DRC3: variants seen among roughly 807,000 people sequenced by gnomAD.
The protein encoded by DRC3 is dynein regulatory complex subunit 3, also known as leucine rich repeat containing 48.
In DRC3, 45 loss-of-function variants were observed where a neutral mutation model predicts 57.6. The ratio of observed to expected loss-of-function variants is 0.78; its 90% CI spans 0.62 to 1.00. DRC3 has a LOEUF of 1.00. Ranked by LOEUF, DRC3 falls within the 50% of genes least tolerant of loss-of-function variation. DRC3 has a pLI of 0.00. For synonymous variants in DRC3, 257 were observed against 272.3 expected (o/e 0.94, Z 0.55); for missense variants, 655 against 675.2 (o/e 0.97, Z 0.33).
At chr17:18,013,892 C>A (rs541673651) in intron 12 of DRC3, among the ~76,000 whole-genome samples, 4 of 151,774 alleles carry the variant, frequency 2.6e-5, no homozygotes, top group Non-Finnish European at 4.4e-5. Context: ...CTATGTACCC[C>A]ATCAATATGT....
chr17:17,983,850 C>G lies in DRC3; in HGVS notation c.183C>G (p.Leu61=). 6.2e-7 allele frequency: 1 copy of G among 1,613,378 alleles called. No individual in the cohort carries two copies. Among genetic ancestry groups the G allele is most frequent in the Non-Finnish European group, 8.5e-7 (1 of 1,179,434 alleles). Residue 61 remains leucine, a synonymous_variant, in exon 4 of 14, where the codon CTC becomes CTG. Coordinates refer to ENST00000399187, the MANE Select transcript of DRC3 (RefSeq NM_031294.4). ...CAGACATCCTCCGCATAGACAACCTCTGGCAGTTTGAGAACTTGAGGAAGC... is the reference window on the plus strand; with the variant it reads ...CAGACATCCTCCGCATAGACAACCTGTGGCAGTTTGAGAACTTGAGGAAGC... ...DFRNILRIDN[L]WQFENLRKLQ...
rs1351809472 is a variant in DRC3, at chr17:18,008,722, C to T, written c.1326+1575C>T. The stretch of plus-strand genomic sequence containing the variant: ...ATAACTGCAGCTAATTGCTATTGAC[C>T]AGACACAGGAAAACACCACCTTCCC... On this transcript the variant is annotated intron_variant, in intron 12 of 13. Transcript: ENST00000399187. This position sits in a 1 kb window ranked among gnomAD's most constrained non-coding sequence, Gnocchi z 4.3. 6.6e-6 allele frequency among the ~76,000 whole-genome samples: 1 copy of T among 152,152 alleles called. No homozygotes were observed. Among genetic ancestry groups the T allele is most frequent in the Admixed American group, 6.5e-5 (1 of 15,272 alleles).
intron 10 of DRC3, chr17:18,005,885 G>T (rs2043930714): frequency 2.6e-6 from 1 of 390,900 alleles, no homozygotes; most frequent in African/African-American, 2.0e-5. Context: ...TTGGCTGTGT[G>T]TGTGTGTGTT....
In DRC3 at chr17:18,008,825, C is replaced by A. The variant is rs1568540727; in HGVS notation, c.1326+1678C>A. ...ATCTTGGGGTGGGTGGAGATCCCTCCCAGCACAGCTCCCATGTCTGTGACA... is the reference window on the plus strand; with the variant it reads ...ATCTTGGGGTGGGTGGAGATCCCTCACAGCACAGCTCCCATGTCTGTGACA... On this transcript the variant is annotated intron_variant, in intron 12 of 13. Coordinates refer to ENST00000399187, the MANE Select transcript of DRC3 (RefSeq NM_031294.4). The surrounding 1 kb of genome is among the most constrained non-coding windows in gnomAD (Gnocchi z 4.3). Among the ~76,000 whole-genome samples the A allele has an allele frequency of 6.6e-6, 1 of 152,166 alleles. No homozygotes were observed. The highest frequency in any genetic ancestry group is 1.5e-5 in the Non-Finnish European group (1 of 68,006).
intron 11 of DRC3, chr17:18,006,636 C>G (rs2043961536): frequency 5.4e-6 from 2 of 367,294 alleles, no homozygotes; most frequent in South Asian, 6.0e-5. Context: ...TCAGGGCACT[C>G]CACATGGGGC....
intron 12 of DRC3, chr17:18,011,228 A>G (rs1423097058): frequency 2.4e-5 from 6 of 254,170 alleles, no homozygotes; most frequent in Non-Finnish European, 3.8e-5. Context: ...AAGTGCTGGG[A>G]TTACAGGCGT....
chr17:17,991,119 G>A (rs1039444993), intron 5 of DRC3, among the ~76,000 whole-genome samples: 25 of 152,148 alleles, frequency 1.6e-4, no homozygotes, highest in African/African-American at 5.3e-4. Flanking sequence ...GCACATGCCG[G>A]AGGCCTGCTA....
intron 3 of DRC3, among the ~76,000 whole-genome samples, chr17:17,981,745 T>C (rs527514388): frequency 6.6e-6 from 1 of 152,322 alleles, no homozygotes; most frequent in African/African-American, 2.4e-5. Flanking sequence ...TCACCCAGGC[T>C]GCAGTGCAGT....
At chr17:18,007,369 A>ATAAT (rs2044017488) in intron 12 of DRC3, 2 of 1,550,168 alleles carry the variant, frequency 1.3e-6, no homozygotes, top group Non-Finnish European at 8.7e-7. Context: ...GGAGCTCATG[A>ATAAT]TAATTAGATG....
At chr17:18,007,344 G>C in intron 12 of DRC3, 197 bp downstream of exon 12, 1 of 1,523,198 alleles carries the variant, frequency 6.6e-7, no homozygotes, top group Non-Finnish European at 8.9e-7. Context: ...GCACCCAGTG[G>C]GGCCCAGTTA....
rs532430821 is a variant in DRC3, at chr17:18,013,440, A to G, written c.1327-2624A>G. On this transcript the variant is annotated intron_variant, in intron 12 of 13. Transcript: ENST00000399187. Reference sequence around the variant, plus strand: ...ACTGGATAAAGAAAATGTGGTACCTATACACAATGGAATACTATTCAGCCA... The same window carrying G: ...ACTGGATAAAGAAAATGTGGTACCTGTACACAATGGAATACTATTCAGCCA... Among the ~76,000 whole-genome samples the G allele has an allele frequency of 2.6e-5, 4 of 152,368 alleles. No homozygotes were observed. In the East Asian group the frequency reaches 5.8e-4, roughly 22 times the overall value.
chr17:17,996,443 A>C (rs2043461490), intron 8 of DRC3, among the ~76,000 whole-genome samples: 2 of 152,226 alleles, frequency 1.3e-5, no homozygotes. Context: ...CTGTGCAGGG[A>C]AACTCCCATA....
At chr17:17,985,811 G>T (rs934619645) in intron 4 of DRC3, among the ~76,000 whole-genome samples, 1 of 152,164 alleles carries the variant, frequency 6.6e-6, no homozygotes, top group Non-Finnish European at 1.5e-5. Context: ...CCAGTGGCAC[G>T]GTGGGAAAGG....
At chr17:17,989,756 G>A (rs918787930) in intron 5 of DRC3, among the ~76,000 whole-genome samples, 2 of 152,214 alleles carry the variant, frequency 1.3e-5, no homozygotes, top group Admixed American at 1.3e-4. Context: ...CGCAACAGCT[G>A]AGGGAGACCC....
At chr17:17,975,461 CG>C (rs2042337610) in intron 2 of DRC3, among the ~76,000 whole-genome samples, 1 of 151,922 alleles carries the variant, frequency 6.6e-6, no homozygotes, top group African/African-American at 2.4e-5. Context: ...CCGCCCACCT[CG>C]GCCTCCCAAA....
At chr17:17,980,877 G>C (rs956636041) in intron 3 of DRC3, among the ~76,000 whole-genome samples, 8 of 152,200 alleles carry the variant, frequency 5.3e-5, no homozygotes, top group African/African-American at 1.9e-4. Context: ...ACACGTGTGA[G>C]CCACCGCACC....
chr17:18,009,050 A>G (rs1042493168), intron 12 of DRC3, among the ~76,000 whole-genome samples: 2 of 151,800 alleles, frequency 1.3e-5, no homozygotes, highest in African/African-American at 4.8e-5. Context: ...ATAGGAAGAG[A>G]CTCCCCAGGA....
At chr17:17,996,771 G>A (rs558828295) in intron 8 of DRC3, among the ~76,000 whole-genome samples, 2 of 152,330 alleles carry the variant, frequency 1.3e-5, no homozygotes, top group African/African-American at 2.4e-5. Context: ...CTGTGTAGCC[G>A]TGTGACTTTG....
chr17:17,988,304 A>G (rs566879246), intron 5 of DRC3: 120 of 589,596 alleles, frequency 2.0e-4, no homozygotes, highest in Non-Finnish European at 2.9e-4. Context: ...ATCGGAGAGC[A>G]CTAGTTTACA....
Sources: allele counts gnomAD v4.1 joint callset (sites outside exome capture counted in the v4.1 genomes callset), GRCh38; gene constraint gnomAD v4.1.1; non-coding constraint Gnocchi (gnomAD v3.1); transcripts MANE v1.5; gene names NCBI Gene and HGNC (gene_info 2026-07-23, HGNC 2026-07-21).